Variants in PDLIM5 observed in about 807,000 individuals in gnomAD.
The protein encoded by PDLIM5 is PDZ and LIM domain 5, also known as PDZ and LIM domain protein 5.
In PDLIM5, 34 loss-of-function variants were observed where a neutral mutation model predicts 64.2. The ratio of observed to expected loss-of-function variants is 0.53; its 90% CI spans 0.40 to 0.71. The LOEUF (loss-of-function observed/expected upper bound fraction) is 0.71. Among genes scored for constraint, PDLIM5 ranks in the 30% least tolerant of loss-of-function variants. The probability of loss-of-function intolerance (pLI) is 0.00; values close to 1 mark genes in which losing one functional copy is unlikely to be tolerated. For synonymous variants in PDLIM5, 253 were observed against 269.1 expected (o/e 0.94, Z 0.59); for missense variants, 683 against 733.6 (o/e 0.93, Z 0.80).
At chr4:94,591,653 A>T (rs1041503220) in intron 7 of PDLIM5, among the ~76,000 whole-genome samples, 10 of 152,212 alleles carry the variant, frequency 6.6e-5, no homozygotes, top group African/African-American at 2.4e-4. Flanking sequence ...ATCCCAATTA[A>T]GACCAACTTG....
intron 7 of PDLIM5, among the ~76,000 whole-genome samples, chr4:94,615,420 T>A (rs566234150): frequency 6.6e-6 from 1 of 151,136 alleles, no homozygotes; most frequent in East Asian, 1.9e-4. Flanking sequence ...CAGTGCATGA[T>A]GCGTTATTAT....
At chr4:94,549,526 A>T (rs78920201) in intron 3 of PDLIM5, among the ~76,000 whole-genome samples, 5,523 of 152,304 alleles carry the variant, frequency 0.036, 149 homozygotes, top group Non-Finnish European at 0.058. Flanking sequence ...CTAAATGTTC[A>T]TCAGCAGGAA....
chr4:94,575,204 G>A (rs1255740788), intron 4 of PDLIM5, among the ~76,000 whole-genome samples: 1 of 151,992 alleles, frequency 6.6e-6, no homozygotes, highest in Non-Finnish European at 1.5e-5. Flanking sequence ...TTGAAAGATG[G>A]AAAGATGGGC....
chr4:94,475,951 C>G (rs1215313904), intron 2 of PDLIM5, among the ~76,000 whole-genome samples: 1 of 152,138 alleles, frequency 6.6e-6, no homozygotes, highest in Non-Finnish European at 1.5e-5. Context: ...TCAATAACCC[C>G]AAGGCAGTTT....
intron 2 of PDLIM5, among the ~76,000 whole-genome samples, chr4:94,485,011 AAG>A (rs1291909654): frequency 6.6e-6 from 1 of 152,062 alleles, no homozygotes. Context: ...GACTACATAA[AAG>A]AGAGTGTAGG....
At position 94,664,357 on chromosome 4, in the gene PDLIM5, G is replaced by A. The variant is rs1285872736; in HGVS notation, c.*290G>A. 2 of 707,070 alleles carry A rather than the reference G, an allele frequency of 2.8e-6. No individual in the cohort carries two copies. Among genetic ancestry groups the A allele is most frequent in the South Asian group, 6.4e-5 (1 of 15,524 alleles). 43.8% of individuals were successfully genotyped at this position (707,070 alleles called of 1,614,324 possible). A position where few individuals can be genotyped will look rare whatever the true frequency, so the allele number is the denominator to read the frequency against. ...TAAATTCATCTTAGAATAAATTAGT[G>A]AAGAATTTAATTTTAGAATAAATAA... On this transcript the variant is annotated 3_prime_UTR_variant, in exon 13 of 13. Coordinates refer to ENST00000317968, the MANE Select transcript of PDLIM5 (RefSeq NM_006457.5).
At position 94,460,242 on chromosome 4, in the gene PDLIM5, C is replaced by T. The variant is rs181139129; in HGVS notation, c.96+4858C>T. ...TTATATGTTTTGTGGTCACAAATGT[C>T]AGGAATCTCAATGTAATTCTGGATA... On this transcript the variant is annotated intron_variant, in intron 2 of 12. Coordinates refer to ENST00000317968, the MANE Select transcript of PDLIM5 (RefSeq NM_006457.5). 2.1e-4 allele frequency among the ~76,000 whole-genome samples: 32 copies of T among 152,236 alleles called. No individual in the cohort carries two copies. In the East Asian group the frequency reaches 6.0e-3, roughly 28 times the overall value.
At chr4:94,512,908 G>A (rs1477484532) in intron 2 of PDLIM5, among the ~76,000 whole-genome samples, 3 of 152,166 alleles carry the variant, frequency 2.0e-5, no homozygotes, top group Non-Finnish European at 2.9e-5. Flanking sequence ...TTTGATTTTT[G>A]TATATGATGA....
At chr4:94,631,057 A>G (rs1016366387) in intron 8 of PDLIM5, among the ~76,000 whole-genome samples, 3 of 144,920 alleles carry the variant, frequency 2.1e-5, no homozygotes, top group Non-Finnish European at 4.5e-5. Context: ...GCATGCCACC[A>G]TGCCAAACTT....
intron 2 of PDLIM5, among the ~76,000 whole-genome samples, chr4:94,494,807 G>A (rs1011394561): frequency 6.6e-6 from 1 of 151,716 alleles, no homozygotes; most frequent in Admixed American, 6.6e-5. Flanking sequence ...GGAGTGCAAT[G>A]GTGCAATCTC....
intron 8 of PDLIM5, among the ~76,000 whole-genome samples, chr4:94,631,162 C>T (rs1740120974): frequency 6.6e-6 from 1 of 151,848 alleles, no homozygotes; most frequent in African/African-American, 2.4e-5. Flanking sequence ...CTCAGTTTCC[C>T]AAAGTGCAGG....
chr4:94,624,271 T>G (rs1739486336), intron 8 of PDLIM5, among the ~76,000 whole-genome samples: 1 of 151,972 alleles, frequency 6.6e-6, no homozygotes, highest in South Asian at 2.1e-4. Flanking sequence ...TGAGCCAGGA[T>G]TGTGCCACTG....
intron 9 of PDLIM5, among the ~76,000 whole-genome samples, chr4:94,649,504 T>G (rs1238697277): frequency 6.6e-6 from 1 of 152,170 alleles, no homozygotes; most frequent in Admixed American, 6.5e-5. Flanking sequence ...TTGTCAGCCT[T>G]TAATATCTAA....
intron 3 of PDLIM5, among the ~76,000 whole-genome samples, chr4:94,544,483 A>G (rs1732130944): frequency 6.6e-6 from 1 of 152,174 alleles, no homozygotes; most frequent in South Asian, 2.1e-4. Flanking sequence ...CAAGAGCGGT[A>G]CATATTCTTA....
chr4:94,486,382 A>G (rs1398446914), intron 2 of PDLIM5, among the ~76,000 whole-genome samples: 1 of 152,140 alleles, frequency 6.6e-6, no homozygotes, highest in Non-Finnish European at 1.5e-5. Flanking sequence ...GAAATATTAG[A>G]CTGTAAGTGA....
intron 2 of PDLIM5, among the ~76,000 whole-genome samples, chr4:94,470,142 A>G (rs1724733367): frequency 6.6e-6 from 1 of 151,206 alleles, no homozygotes; most frequent in South Asian, 2.1e-4. Context: ...AATTTTTTGT[A>G]TTTTTAGTAG....
Position 94,665,481 on chromosome 4 carries a change from TAAAAAAAAA to T in PDLIM5, c.*1431_*1439del, listed in dbSNP as rs10706955. 11,644 of 448,232 alleles carry T rather than the reference TAAAAAAAAA, an allele frequency of 0.026. 38 individuals are homozygous for T. The highest frequency in any genetic ancestry group is 0.029 in the Middle Eastern group (27 of 942). The allele number at this position is 448,232 out of a possible 1,614,324, so 27.8% of individuals were successfully genotyped here. A position where few individuals can be genotyped will look rare whatever the true frequency, so the allele number is the denominator to read the frequency against. On this transcript the variant is annotated 3_prime_UTR_variant, in exon 13 of 13. Coordinates refer to ENST00000317968, the MANE Select transcript of PDLIM5 (RefSeq NM_006457.5). ...GGTGACAGAGCAAGACTCCGGCTCT[TAAAAAAAAA>T]AAAAAAAAAAAAAAAAGAGAGAGAG...
Position 94,618,045 on chromosome 4 carries a change from C to A in PDLIM5, c.962C>A (p.Ala321Asp). The A allele has an allele frequency of 6.2e-7, 1 of 1,602,138 alleles. No individual in the cohort carries two copies. Reference protein sequence around the residue: ...EPSPQLASSVASTRSMPESLD... With the variant: ...EPSPQLASSVDSTRSMPESLD... ...TCTCCGCAGTTGGCTTCCTCGGTAG[C>A]TTCCACACGGAGCATGCCCGAGAGC... The change falls in exon 8 of 13, where the codon GCT becomes GAT. Residue 321 changes from alanine (A) to aspartate (D), a missense_variant. Coordinates refer to ENST00000317968, the MANE Select transcript of PDLIM5 (RefSeq NM_006457.5).
intron 8 of PDLIM5, among the ~76,000 whole-genome samples, chr4:94,621,064 C>T (rs2933588): frequency 2.4e-5 from 2 of 83,386 alleles, no homozygotes; most frequent in Admixed American, 2.1e-4. Flanking sequence ...GAGTGAGACT[C>T]TGTCTCAAAA....
Sources: allele counts gnomAD v4.1 joint callset (sites outside exome capture counted in the v4.1 genomes callset), GRCh38; gene constraint gnomAD v4.1.1; transcripts MANE v1.5; gene names NCBI Gene and HGNC (gene_info 2026-07-23, HGNC 2026-07-21).